The following TBXAS1 variants were observed in gnomAD, a reference collection of about 807,000 sequenced individuals.
TBXAS1 encodes the protein thromboxane-A synthase.
Under a neutral mutation model 60.7 loss-of-function variants are expected in TBXAS1, and 48 were observed. The observed-to-expected ratio is 0.79, with a 90% CI of 0.63 to 1.01. The LOEUF (loss-of-function observed/expected upper bound fraction) is 1.01, where lower values mean the gene tolerates loss of function less well. Ranked by LOEUF, TBXAS1 falls within the 50% of genes least tolerant of loss-of-function variation. The pLI, the probability that TBXAS1 is intolerant of heterozygous loss-of-function variation, is 0.00. For synonymous variants in TBXAS1, 287 were observed against 269.7 expected, an observed-to-expected ratio of 1.06 and a Z score of -0.63; for missense variants, 685 against 686.3, an observed-to-expected ratio of 1.00 and a Z score of 0.02.
rs117013721 is a variant in TBXAS1 at position 139,869,746 on chromosome 7, C to G, written c.90-2489C>G. ...AGTGACCCTATTTCCAAGTCACATT[C>G]TGAGATTAGGACTTCTGGAGGTTAG... On this transcript the variant is annotated intron_variant, in intron 1 of 12. Coordinates refer to ENST00000448866, the MANE Select transcript of TBXAS1 (RefSeq NM_001061.7). 9.0e-3 allele frequency among the ~76,000 whole-genome samples: 1,376 copies of G among 152,254 alleles called. 14 individuals are homozygous for G. The highest frequency in any genetic ancestry group is 0.015 in the Non-Finnish European group (1,051 of 68,028).
At chr7:139,886,641 T>C (rs1360126291) in intron 3 of TBXAS1, among the ~76,000 whole-genome samples, 3 of 152,194 alleles carry the variant, frequency 2.0e-5, no homozygotes, top group African/African-American at 7.2e-5. Context: ...AGGTACTCCC[T>C]GGCTTGTGCC....
At chr7:139,904,360 A>G (rs139140639) in intron 3 of TBXAS1, among the ~76,000 whole-genome samples, 3,155 of 152,092 alleles carry the variant, frequency 0.021, 124 homozygotes, top group African/African-American at 0.071. Flanking sequence ...CTTATAGTAT[A>G]GTTTGAAATC....
intron 10 of TBXAS1, among the ~76,000 whole-genome samples, chr7:140,014,831 T>C (rs1814891608): frequency 6.6e-6 from 1 of 150,538 alleles, no homozygotes; most frequent in Non-Finnish European, 1.5e-5. Flanking sequence ...GGAGAATTGC[T>C]TGAACCTGGA....
chr7:139,902,821 T>A (rs1804684397), intron 3 of TBXAS1, among the ~76,000 whole-genome samples: 1 of 152,190 alleles, frequency 6.6e-6, no homozygotes, highest in African/African-American at 2.4e-5. Flanking sequence ...AAATGATATC[T>A]CATTGTGGTT....
At chr7:139,938,547 C>A (rs747068995) in intron 5 of TBXAS1, among the ~76,000 whole-genome samples, 1 of 152,172 alleles carries the variant, frequency 6.6e-6, no homozygotes, top group Non-Finnish European at 1.5e-5. Context: ...GAAGGAAGGG[C>A]CTGCATCTTA....
chr7:139,911,253 G>T lies in TBXAS1; in HGVS notation c.265G>T (p.Val89Phe). The change falls in exon 4 of 13, where the codon GTT (valine) becomes TTT (phenylalanine). Residue 89 changes from valine to phenylalanine, a missense_variant. Physicochemically the swap from Val to Phe is conservative, Grantham distance 50. Transcript: ENST00000448866. ...GYYLGRRMFI[V>F]ISEPDMIKQV... The stretch of plus-strand genomic sequence containing the variant: ...CTATCTTGGTCGTCGGATGTTTATT[G>T]TTATTTCTGAGCCAGACATGATCAA... 1 of 1,614,128 alleles carries T rather than the reference G, an allele frequency of 6.2e-7. No individual in the cohort carries two copies. The highest frequency in any genetic ancestry group is 8.5e-7 in the Non-Finnish European group (1 of 1,180,012).
intron 9 of TBXAS1, among the ~76,000 whole-genome samples, chr7:140,005,150 C>T (rs1026652632): frequency 1.2e-4 from 18 of 152,278 alleles, no homozygotes; most frequent in South Asian, 6.2e-4. Flanking sequence ...AAGTTACGTC[C>T]GGGTGCAGTG....
At chr7:139,869,036 TA>T (rs1374995564) in intron 1 of TBXAS1, among the ~76,000 whole-genome samples, 1 of 152,030 alleles carries the variant, frequency 6.6e-6, no homozygotes, top group East Asian at 1.9e-4. Flanking sequence ...TGGGCTCAAA[TA>T]ATTGTCCTAC....
rs1319466558 is a variant in TBXAS1 at position 140,017,724 on chromosome 7, G to T, written c.1418G>T (p.Gly473Val). 6.2e-7 allele frequency: 1 copy of T among 1,613,960 alleles called. No individual in the cohort carries two copies. The highest frequency in any genetic ancestry group is 2.2e-5 in the East Asian group (1 of 44,856). ...QHRPFTYLPF[G>V]AGPRSCLGVR... ...CGGCCCTTCACGTACCTGCCCTTCG[G>T]GGCCGGCCCACGGAGCTGCCTCGGG... Residue 473 changes from glycine (G) to valine (V), a missense_variant, in exon 12 of 13, where the codon GGG becomes GTG. Transcript: ENST00000448866.
chr7:139,893,106 T>C (rs764556750), intron 3 of TBXAS1, among the ~76,000 whole-genome samples: 9 of 152,172 alleles, frequency 5.9e-5, no homozygotes, highest in Non-Finnish European at 1.3e-4. Flanking sequence ...TTTTCTCTTC[T>C]TTCAGAGTTG....
At chr7:139,878,695 G>A (rs928958451) in intron 3 of TBXAS1, among the ~76,000 whole-genome samples, 2 of 152,124 alleles carry the variant, frequency 1.3e-5, no homozygotes, top group East Asian at 1.9e-4. Flanking sequence ...TCACTCATTG[G>A]GAATGGACTA....
chr7:139,818,275 G>C, intron 4 of TBXAS1, among the ~76,000 whole-genome samples: 1 of 152,142 alleles, frequency 6.6e-6, no homozygotes, highest in East Asian at 1.9e-4. Flanking sequence ...GTATAGGATG[G>C]CACAGGGCCT....
intron 9 of TBXAS1, among the ~76,000 whole-genome samples, chr7:139,973,401 G>A (rs961045603): frequency 4.6e-5 from 7 of 152,156 alleles, no homozygotes; most frequent in African/African-American, 7.2e-5. Context: ...TCTCAGAGCC[G>A]AGAGAGGAAG....
chr7:139,957,600 C>G, intron 7 of TBXAS1, 34 bp from the exon 8 acceptor site: 1 of 1,613,860 alleles, frequency 6.2e-7, no homozygotes, highest in Non-Finnish European at 8.5e-7. Flanking sequence ...TTATCACCCC[C>G]TTTTCAATGC....
intron 9 of TBXAS1, among the ~76,000 whole-genome samples, chr7:139,963,735 A>C (rs905982371): frequency 6.6e-6 from 1 of 151,208 alleles, no homozygotes. Context: ...TGATTTAAGC[A>C]AAACAAAAAC....
intron 3 of TBXAS1, among the ~76,000 whole-genome samples, chr7:139,881,564 T>C (rs2116875737): frequency 6.6e-6 from 1 of 152,330 alleles, no homozygotes; most frequent in East Asian, 1.9e-4. Context: ...CTGATTTCTC[T>C]ATTCTGTTGT....
At chr7:139,810,974 A>G (rs1798009856) in intron 4 of TBXAS1, among the ~76,000 whole-genome samples, 1 of 152,206 alleles carries the variant, frequency 6.6e-6, no homozygotes, top group Non-Finnish European at 1.5e-5. Flanking sequence ...GTTTCTGAAA[A>G]CCTAGAGAGA....
In TBXAS1 at chr7:139,857,527, C is replaced by T. The variant is rs1800662119; in HGVS notation, c.90-14708C>T. On this transcript the variant is annotated intron_variant, in intron 1 of 12. Transcript: ENST00000448866. The stretch of plus-strand genomic sequence containing the variant: ...TGAAGTGTTTCATAAATATCAGTCA[C>T]TTCAAGAGTTTTATGATGTACGTCA... Among the ~76,000 whole-genome samples, 6 of 152,152 alleles carry T rather than the reference C, an allele frequency of 3.9e-5. No homozygotes were observed. The South Asian group carries it at 1.2e-3, about 31-fold the overall frequency.
At chr7:139,789,078 A>G (rs1415142014) in intron 4 of TBXAS1, among the ~76,000 whole-genome samples, 4 of 152,222 alleles carry the variant, frequency 2.6e-5, no homozygotes, top group Admixed American at 6.5e-5. Context: ...AGTCTGGTAA[A>G]TGGAGGTCGT....
Sources: allele counts gnomAD v4.1 joint callset (sites outside exome capture counted in the v4.1 genomes callset), GRCh38; gene constraint gnomAD v4.1.1; transcripts MANE v1.5; gene names NCBI Gene and HGNC (gene_info 2026-07-23, HGNC 2026-07-21).